Variants in MTUS2 observed in about 807,000 individuals in gnomAD.
MTUS2 encodes microtubule-associated tumor suppressor candidate 2.
In MTUS2, 40 loss-of-function variants were observed where a neutral mutation model predicts 114.1. That is an observed-to-expected ratio of 0.35 (90% confidence interval 0.27 to 0.46). MTUS2 has a LOEUF of 0.46. Among genes scored for constraint, MTUS2 ranks in the 20% least tolerant of loss-of-function variants. The pLI, the probability that MTUS2 is intolerant of heterozygous loss-of-function variation, is 1.00. For missense variants in MTUS2, 1,679 were observed against 1,705.4 expected, an observed-to-expected ratio of 0.98 and a Z score of 0.27; for synonymous variants, 688 against 672.0, an observed-to-expected ratio of 1.02 and a Z score of -0.37.
chr13:28,882,045 A>G (rs1878321756), intron 2 of MTUS2, among the ~76,000 whole-genome samples: 1 of 152,082 alleles, frequency 6.6e-6, no homozygotes. Context: ...CCCTCACACC[A>G]TGTGTACAAA....
chr13:29,121,991 G>C (rs9508284), intron 5 of MTUS2, among the ~76,000 whole-genome samples: 66,718 of 151,866 alleles, frequency 0.44, 15,896 homozygotes, highest in Non-Finnish European at 0.52. Context: ...CTCACTTCTC[G>C]CTGTATTGTC....
At chr13:29,092,587 A>G (rs1411663038) in intron 4 of MTUS2, among the ~76,000 whole-genome samples, 1 of 152,074 alleles carries the variant, frequency 6.6e-6, no homozygotes, top group Non-Finnish European at 1.5e-5. Flanking sequence ...TGCGGGTACG[A>G]GCTGGGCCAG....
chr13:29,435,974 G>A (rs1288373025), intron 8 of MTUS2, among the ~76,000 whole-genome samples: 1 of 152,180 alleles, frequency 6.6e-6, no homozygotes, highest in African/African-American at 2.4e-5. Flanking sequence ...CCAAGTAAGC[G>A]ATGCTGAAAT....
rs1156494676 is a variant in MTUS2, at chr13:28,894,281, G to GA, written c.-243+54431_-243+54432insA. Among the ~76,000 whole-genome samples, 27 of 39,350 alleles carry GA rather than the reference G, an allele frequency of 6.9e-4. 1 individual carries two copies. Among genetic ancestry groups the GA allele is most frequent in the African/African-American group, 5.8e-3 (25 of 4,340 alleles). The allele number at this position is 39,350 out of a possible 152,430, so 25.8% of individuals were successfully genotyped here. A position where few individuals can be genotyped will look rare whatever the true frequency, so the allele number is the denominator to read the frequency against. ...CTTATAAGAAGAAGGAGAGTTGGTG[G>GA]GGGGGGGGGAGAGAGAGAGAGAGGG... On this transcript the variant is annotated intron_variant, in intron 2 of 15. Coordinates refer to ENST00000612955, the MANE Select transcript of MTUS2 (RefSeq NM_001033602.4).
intron 5 of MTUS2, among the ~76,000 whole-genome samples, chr13:29,200,169 T>C (rs1285007539): frequency 6.6e-6 from 1 of 152,114 alleles, no homozygotes; most frequent in African/African-American, 2.4e-5. Context: ...TTTTTTAAGG[T>C]TTTTTCGTGT....
At chr13:28,948,486 A>G (rs1882645583) in intron 2 of MTUS2, among the ~76,000 whole-genome samples, 1 of 152,176 alleles carries the variant, frequency 6.6e-6, no homozygotes, top group African/African-American at 2.4e-5. Flanking sequence ...GAAATATGCA[A>G]GCAGATGGCA....
intron 2 of MTUS2, among the ~76,000 whole-genome samples, chr13:28,880,193 G>GA (rs1384808084): frequency 6.6e-6 from 1 of 152,062 alleles, no homozygotes. Context: ...CCAACTCTCT[G>GA]AAAAACATGA....
chr13:29,181,567 C>T (rs557753332), intron 5 of MTUS2, among the ~76,000 whole-genome samples: 2 of 152,292 alleles, frequency 1.3e-5, no homozygotes, highest in South Asian at 4.2e-4. Flanking sequence ...CCTCACTTTG[C>T]TTGCCTCGGG....
rs117391744 is a variant in MTUS2, at chr13:28,936,199, A to G, written c.-242-88258A>G. On this transcript the variant is annotated intron_variant, in intron 2 of 15. Transcript: ENST00000612955. The stretch of plus-strand genomic sequence containing the variant: ...TGCATGATTATGTGATGTTAGCGGG[A>G]AAGCAGGTGTCATGCCAGCATGCTG... Among the ~76,000 whole-genome samples, 1,071 of 152,210 alleles carry G rather than the reference A, an allele frequency of 7.0e-3. 10 individuals are homozygous for G. The highest frequency in any genetic ancestry group is 0.042 in the East Asian group (219 of 5,174).
At chr13:29,178,634 G>A (rs1893872613) in intron 5 of MTUS2, among the ~76,000 whole-genome samples, 1 of 151,470 alleles carries the variant, frequency 6.6e-6, no homozygotes, top group Admixed American at 6.6e-5. Flanking sequence ...CCTTGGGGGA[G>A]CAAAATCACT....
At chr13:29,273,618 A>C (rs1379358054) in intron 5 of MTUS2, among the ~76,000 whole-genome samples, 1 of 152,192 alleles carries the variant, frequency 6.6e-6, no homozygotes, top group Non-Finnish European at 1.5e-5. Context: ...CAGTATATTC[A>C]CAAGGTTATG....
intron 2 of MTUS2, among the ~76,000 whole-genome samples, chr13:28,867,680 CAG>C (rs1409305477): frequency 1.3e-5 from 2 of 152,142 alleles, no homozygotes; most frequent in Non-Finnish European, 2.9e-5. Flanking sequence ...CTATATCTAG[CAG>C]AGAGTGCAGC....
chr13:29,237,955 T>A (rs561683235), intron 5 of MTUS2, among the ~76,000 whole-genome samples: 1 of 152,214 alleles, frequency 6.6e-6, no homozygotes, highest in East Asian at 1.9e-4. Context: ...AAAAGAAACA[T>A]GTATACTGTT....
chr13:29,026,845 C>T lies in MTUS2; in HGVS notation c.2147C>T (p.Ser716Phe). Residue 716 changes from serine to phenylalanine, a missense_variant, in exon 3 of 16, where the codon TCT (serine) becomes TTT (phenylalanine). Physicochemically the swap from Ser to Phe is radical, Grantham distance 155. This residue lies in a region of MTUS2 where 822 missense variants were observed against 899.7 expected (regional missense o/e 0.91). Transcript: ENST00000612955. ...PRVFSSGLMV[S>F]GIKPPGHPFS... ...GTCTTCAGTTCCGGATTGATGGTGTCTGGAATCAAGCCCCCGGGACATCCT... is the reference window on the plus strand; with the variant it reads ...GTCTTCAGTTCCGGATTGATGGTGTTTGGAATCAAGCCCCCGGGACATCCT... 1 of 1,607,576 alleles carries T rather than the reference C, an allele frequency of 6.2e-7. No homozygotes were observed. The highest frequency in any genetic ancestry group is 8.5e-7 in the Non-Finnish European group (1 of 1,179,756).
chr13:29,087,125 C>T (rs1218151630), intron 4 of MTUS2, among the ~76,000 whole-genome samples: 1 of 152,134 alleles, frequency 6.6e-6, no homozygotes, highest in Non-Finnish European at 1.5e-5. Flanking sequence ...CTGGCTAGGA[C>T]TTCCAGCACT....
At position 29,026,068 on chromosome 13, in the gene MTUS2, G is replaced by C. The variant is rs751429766; in HGVS notation, c.1370G>C (p.Arg457Thr). ...SKPLDVIEEE[R>T]RLGSGNKDSV... ...CCCTTGGATGTCATTGAGGAGGAAA[G>C]GCGGTTGGGCAGTGGGAATAAGGAC... The change falls in exon 3 of 16, where the codon AGG becomes ACG. Residue 457 changes from arginine (R) to threonine (T), a missense_variant. By Grantham distance (71) the Arg-to-Thr change is moderately conservative. This residue lies in a region of MTUS2 where 843 missense variants were observed against 770.8 expected (regional missense o/e 1.09). Transcript: ENST00000612955. The C allele has an allele frequency of 2.6e-5, 42 of 1,613,896 alleles. No homozygotes were observed. The highest frequency in any genetic ancestry group is 4.4e-5 in the South Asian group (4 of 91,078).
At chr13:29,459,295 C>T (rs988271887) in intron 9 of MTUS2, among the ~76,000 whole-genome samples, 22 of 152,272 alleles carry the variant, frequency 1.4e-4, no homozygotes, top group African/African-American at 5.3e-4. Flanking sequence ...CCACAATTTA[C>T]AGAATAAGCT....
intron 11 of MTUS2, among the ~76,000 whole-genome samples, chr13:29,489,402 G>T (rs1040632274): frequency 7.2e-5 from 11 of 152,264 alleles, no homozygotes; most frequent in African/African-American, 2.6e-4. Flanking sequence ...CCATAACCAA[G>T]GTCTGTGTTA....
intron 5 of MTUS2, among the ~76,000 whole-genome samples, chr13:29,160,247 C>G (rs1360163962): frequency 1.3e-5 from 2 of 152,212 alleles, no homozygotes; most frequent in Non-Finnish European, 2.9e-5. Flanking sequence ...TTTCTTCAGC[C>G]TCTGCCATCC....
Sources: gnomAD v4.1 joint callset for allele counts (sites outside exome capture counted in the v4.1 genomes callset) on GRCh38, gnomAD v4.1.1 for gene constraint, gnomAD v4.1.1 regional missense constraint, MANE v1.5 for transcripts, NCBI Gene and HGNC (gene_info 2026-07-23, HGNC 2026-07-21) for gene names.